CNTNAP2: variants seen among roughly 807,000 people sequenced by gnomAD.
CNTNAP2 encodes the protein contactin associated protein 2.
CNTNAP2 carries 98 observed loss-of-function variants against 155.2 expected under a neutral mutation model. The ratio of observed to expected loss-of-function variants is 0.63; its 90% CI spans 0.54 to 0.75. The LOEUF (loss-of-function observed/expected upper bound fraction) is 0.75, where lower values mean the gene tolerates loss of function less well. CNTNAP2 is among the 30% of genes least tolerant of loss of function. CNTNAP2 has a pLI of 0.00. For missense variants in CNTNAP2, 1,727 were observed against 1,688.1 expected, an observed-to-expected ratio of 1.02 and a Z score of -0.40; for synonymous variants, 651 against 631.2, an observed-to-expected ratio of 1.03 and a Z score of -0.47.
intron 3 of CNTNAP2, among the ~76,000 whole-genome samples, chr7:146,935,932 A>G (rs1383192009): frequency 6.6e-6 from 1 of 152,166 alleles, no homozygotes; most frequent in Non-Finnish European, 1.5e-5. Context: ...GTCATAATAG[A>G]AGTCTCCCTG....
At chr7:147,215,592 G>A (rs1312128135) in intron 8 of CNTNAP2, among the ~76,000 whole-genome samples, 1 of 152,038 alleles carries the variant, frequency 6.6e-6, no homozygotes, top group Non-Finnish European at 1.5e-5. Context: ...TTCACCTACT[G>A]CAAGAAATCT....
intron 13 of CNTNAP2, among the ~76,000 whole-genome samples, chr7:147,749,229 A>G (rs192837959): frequency 4.6e-5 from 7 of 152,334 alleles, no homozygotes; most frequent in Admixed American, 6.5e-5. Flanking sequence ...CAGTATCTAT[A>G]CTGTATTTTT....
intron 8 of CNTNAP2, among the ~76,000 whole-genome samples, chr7:147,184,609 C>T (rs2116507746): frequency 6.6e-6 from 1 of 152,176 alleles, no homozygotes; most frequent in Admixed American, 6.5e-5. Context: ...CAATCATCTC[C>T]TGGCTTGTAG....
rs752508977 is a variant in CNTNAP2, at chr7:148,172,300, G to A, written c.2832G>A (p.Gly944=). The change falls in exon 18 of 24, where the codon GGG becomes GGA. Residue 944 remains glycine, a synonymous_variant. Coordinates refer to ENST00000361727, the MANE Select transcript of CNTNAP2 (RefSeq NM_014141.6). ...LGCIRSLRMN[G]VTLDLEERAK... is the part of the protein sequence containing the mutation. ...GCATCCGCTCCTTGAGGATGAATGG[G>A]GTGACACTTGACCTGGAGGAAAGAG... 6.2e-7 allele frequency: 1 copy of A among 1,614,132 alleles called. No individual in the cohort carries two copies. The highest frequency in any genetic ancestry group is 8.5e-7 in the Non-Finnish European group (1 of 1,180,034).
chr7:147,443,097 C>T (rs967735960), intron 10 of CNTNAP2, among the ~76,000 whole-genome samples: 3 of 152,064 alleles, frequency 2.0e-5, no homozygotes, highest in Non-Finnish European at 4.4e-5. Context: ...TTAGGAGTTG[C>T]GGTCTTCATG....
chr7:147,884,858 C>A (rs1347706876), intron 13 of CNTNAP2, among the ~76,000 whole-genome samples: 1 of 151,884 alleles, frequency 6.6e-6, no homozygotes. Context: ...GGAGGAAGAC[C>A]GGGTAATGGA....
intron 15 of CNTNAP2, among the ~76,000 whole-genome samples, chr7:148,117,419 G>A (rs191739693): frequency 3.7e-4 from 57 of 152,308 alleles, no homozygotes; most frequent in African/African-American, 1.3e-3. Context: ...GGTCACTTCT[G>A]CCTCGTTCCC....
chr7:147,464,768 A>G (rs551456009), intron 10 of CNTNAP2, among the ~76,000 whole-genome samples: 47 of 152,334 alleles, frequency 3.1e-4, no homozygotes, highest in African/African-American at 1.1e-3. Context: ...TGACAATTTC[A>G]TAGCAGTGTG....
chr7:148,153,234 G>C (rs1422280473), intron 17 of CNTNAP2, among the ~76,000 whole-genome samples: 1 of 121,474 alleles, frequency 8.2e-6, no homozygotes, highest in African/African-American at 3.5e-5. Context: ...CTTTTGCAAA[G>C]TAACCGAAAA....
At chr7:146,520,098 C>G (rs1797596220) in intron 1 of CNTNAP2, among the ~76,000 whole-genome samples, 1 of 151,302 alleles carries the variant, frequency 6.6e-6, no homozygotes, top group Non-Finnish European at 1.5e-5. Context: ...CACAAGTAAG[C>G]ATAAGCACAA....
intron 8 of CNTNAP2, among the ~76,000 whole-genome samples, chr7:147,235,990 T>C (rs771215240): frequency 1.5e-4 from 23 of 152,206 alleles, no homozygotes; most frequent in Non-Finnish European, 2.9e-4. Context: ...ATTCCAGTCT[T>C]CCTCTTTGAC....
chr7:147,155,891 T>C (rs971251770), intron 8 of CNTNAP2, among the ~76,000 whole-genome samples: 2 of 152,118 alleles, frequency 1.3e-5, no homozygotes, highest in Non-Finnish European at 2.9e-5. Flanking sequence ...GACCTCTGAG[T>C]ACAGGTGCCT....
At chr7:148,072,626 C>T (rs146008086) in intron 15 of CNTNAP2, among the ~76,000 whole-genome samples, 1,804 of 152,310 alleles carry the variant, frequency 0.012, 25 homozygotes, top group Admixed American at 0.023. Context: ...ATTATCTAAA[C>T]GGTTAACAGA....
chr7:147,202,803 A>G (rs1187761255), intron 8 of CNTNAP2, among the ~76,000 whole-genome samples: 1 of 151,744 alleles, frequency 6.6e-6, no homozygotes, highest in African/African-American at 2.4e-5. Context: ...GTAGGGGGGT[A>G]GGGGGCTGGG....
rs559426259 is a variant in CNTNAP2 at position 146,949,946 on chromosome 7, A to G, written c.403-93961A>G. Among the ~76,000 whole-genome samples, 4 of 152,298 alleles carry G rather than the reference A, an allele frequency of 2.6e-5. No individual in the cohort carries two copies. The South Asian group carries it at 8.3e-4, about 32-fold the overall frequency. ...AATCACTTGAGGAAAACAATGACATAATAATACTATGTGCGAAGAATTTAG... is the reference window on the plus strand; with the variant it reads ...AATCACTTGAGGAAAACAATGACATGATAATACTATGTGCGAAGAATTTAG... On this transcript the variant is annotated intron_variant, in intron 3 of 23. Transcript: ENST00000361727.
At chr7:147,168,852 T>A (rs1261846042) in intron 8 of CNTNAP2, among the ~76,000 whole-genome samples, 1 of 152,126 alleles carries the variant, frequency 6.6e-6, no homozygotes, top group Admixed American at 6.5e-5. Flanking sequence ...TCTATAAATA[T>A]TGACTCCAGC....
intron 13 of CNTNAP2, among the ~76,000 whole-genome samples, chr7:147,730,960 C>T (rs897237306): frequency 2.6e-5 from 4 of 152,174 alleles, no homozygotes; most frequent in Non-Finnish European, 5.9e-5. Context: ...TAAGCCACAG[C>T]CTATTCCAGA....
chr7:146,761,522 G>A lies in CNTNAP2; in HGVS notation c.98-12749G>A, dbSNP rs149000559. ...GTGTGTTTGTTCTGTTGTTGTTGCT[G>A]TTTTTAAGTTTGTTTGTTTTTGTCT... On this transcript the variant is annotated intron_variant, in intron 1 of 23. Coordinates refer to ENST00000361727, the MANE Select transcript of CNTNAP2 (RefSeq NM_014141.6). 3.8e-4 allele frequency among the ~76,000 whole-genome samples: 58 copies of A among 152,162 alleles called. No individual in the cohort carries two copies. The East Asian group carries it at 0.011, about 28-fold the overall frequency.
At chr7:146,431,132 T>A (rs756659826) in intron 1 of CNTNAP2, among the ~76,000 whole-genome samples, 3 of 152,028 alleles carry the variant, frequency 2.0e-5, no homozygotes, top group Non-Finnish European at 4.4e-5. Flanking sequence ...AAGTTAGGTC[T>A]GATAGCACCT....
Sources: gnomAD v4.1 joint callset for allele counts (sites outside exome capture counted in the v4.1 genomes callset) on GRCh38, gnomAD v4.1.1 for gene constraint, MANE v1.5 for transcripts, NCBI Gene and HGNC (gene_info 2026-07-23, HGNC 2026-07-21) for gene names.